The following MAP3K4 variants were observed in gnomAD, a reference collection of about 807,000 sequenced individuals.
MAP3K4 encodes mitogen-activated protein kinase kinase kinase 4, also known as MAP three kinase 1.
Under a neutral mutation model 185.6 loss-of-function variants are expected in MAP3K4, and 67 were observed. That is an observed-to-expected ratio of 0.36 (90% confidence interval 0.30 to 0.44). The LOEUF (loss-of-function observed/expected upper bound fraction) is 0.44, where lower values mean the gene tolerates loss of function less well. MAP3K4 is among the 20% of genes least tolerant of loss of function. MAP3K4 has a pLI of 1.00. For missense variants in MAP3K4, 1,551 were observed against 1,995.1 expected, an observed-to-expected ratio of 0.78 and a Z score of 4.24; for synonymous variants, 702 against 710.4, an observed-to-expected ratio of 0.99 and a Z score of 0.19.
rs1583123386 is a variant in MAP3K4, at chr6:161,022,513, GTCTC to G, written c.153-11739_153-11736del. Among the ~76,000 whole-genome samples the G allele has an allele frequency of 6.6e-6, 1 of 152,114 alleles. No individual in the cohort carries two copies. The highest frequency in any genetic ancestry group is 1.5e-5 in the Non-Finnish European group (1 of 68,018). On this transcript the variant is annotated intron_variant, in intron 1 of 26. Transcript: ENST00000392142. This position sits in a 1 kb window ranked among gnomAD's most constrained non-coding sequence, Gnocchi z 4.2. ...AACTGCCAGTCCATACTTTCTCCTG[GTCTC>G]TCTCTCATGCTATGCTCTCTCTCCA...
rs1229737053 is a variant in MAP3K4 at position 161,110,003 on chromosome 6, A to G, written c.4396+89A>G. 7.4e-7 allele frequency: 1 copy of G among 1,360,468 alleles called. No individual in the cohort carries two copies. Among genetic ancestry groups the G allele is most frequent in the East Asian group, 2.3e-5 (1 of 43,414 alleles). 84.3% of individuals were successfully genotyped at this position (1,360,468 alleles called of 1,614,324 possible). The stretch of plus-strand genomic sequence containing the variant: ...CTCTGAAGACGCTCATCCCATTCCC[A>G]CATATGATTTCTCTAGATGGAAATA... On this transcript the variant is annotated intron_variant, in intron 23 of 26. Transcript: ENST00000392142. The surrounding 1 kb of genome is among the most constrained non-coding windows in gnomAD (Gnocchi z 4.8).
chr6:161,040,181 T>G (rs1218873310), intron 2 of MAP3K4, among the ~76,000 whole-genome samples: 1 of 152,236 alleles, frequency 6.6e-6, no homozygotes, highest in Non-Finnish European at 1.5e-5. Flanking sequence ...TGTTTAAATT[T>G]GCCTATTTCT....
rs1484507013 is a variant in MAP3K4 at position 160,991,800 on chromosome 6, C to T, written c.-132C>T. ...CCGGTCGCCGTTTCCAAGATGGCCG[C>T]GGCGCGCACGGCTCCTGCGGCGGGG... On this transcript the variant is annotated 5_prime_UTR_variant, in exon 1 of 27. Transcript: ENST00000392142. The surrounding 1 kb of genome is among the most constrained non-coding windows in gnomAD (Gnocchi z 5.7). 9.5e-7 allele frequency: 1 copy of T among 1,053,386 alleles called. No homozygotes were observed. The highest frequency in any genetic ancestry group is 1.3e-6 in the Non-Finnish European group (1 of 794,544). The allele number at this position is 1,053,386 out of a possible 1,614,324, so 65.3% of individuals were successfully genotyped here.
Position 160,999,851 on chromosome 6 carries a change from T to C in MAP3K4, c.152+7768T>C, listed in dbSNP as rs567581954. ...AACAGGATCAAACGAGATGAAAGAT[T>C]TGTTTTTAGAAAAAAATGCAAATAG... On this transcript the variant is annotated intron_variant, in intron 1 of 26. Coordinates refer to ENST00000392142, the MANE Select transcript of MAP3K4 (RefSeq NM_005922.4). 9.8e-5 allele frequency among the ~76,000 whole-genome samples: 15 copies of C among 152,362 alleles called. 1 individual carries two copies. The highest frequency in any genetic ancestry group is 9.8e-4 in the Admixed American group (15 of 15,310).
chr6:161,039,261 C>T (rs79915678), intron 2 of MAP3K4, among the ~76,000 whole-genome samples: 5,186 of 146,038 alleles, frequency 0.036, 141 homozygotes, highest in Non-Finnish European at 0.05. Flanking sequence ...TTCCCCTAGC[C>T]CCGAACCCGC....
chr6:161,047,615 ATGAGATCAC>A (rs1265358256), intron 2 of MAP3K4, among the ~76,000 whole-genome samples: 1 of 152,164 alleles, frequency 6.6e-6, no homozygotes, highest in African/African-American at 2.4e-5. Context: ...GTGGAAATGA[ATGAGATCAC>A]CCAGGGAGAA....
In MAP3K4 at chr6:161,093,048, G is replaced by T; in HGVS notation, c.3340G>T (p.Asp1114Tyr). 6.2e-7 allele frequency: 1 copy of T among 1,610,768 alleles called. No individual in the cohort carries two copies. The highest frequency in any genetic ancestry group is 1.1e-5 in the South Asian group (1 of 90,896). ...PAFISALPED[D>Y]FLSLQALMNE... ...CTTTATTTCAGCTTTACCAGAAGATGACTTCTTGGTATGGATTATTCTAAA... is the reference window on the plus strand; with the variant it reads ...CTTTATTTCAGCTTTACCAGAAGATTACTTCTTGGTATGGATTATTCTAAA... Residue 1114 changes from aspartate (D) to tyrosine (Y), a missense_variant, in exon 14 of 27, where the codon GAC becomes TAC. Asp to Tyr is a radical substitution (Grantham distance 160). Coordinates refer to ENST00000392142, the MANE Select transcript of MAP3K4 (RefSeq NM_005922.4). The surrounding 1 kb of genome is among the most constrained non-coding windows in gnomAD (Gnocchi z 5.2).
intron 6 of MAP3K4, among the ~76,000 whole-genome samples, chr6:161,083,010 C>T (rs1011448424): frequency 6.6e-6 from 1 of 152,188 alleles, no homozygotes; most frequent in African/African-American, 2.4e-5. Context: ...CGTCTTTGTC[C>T]TCCTTCTAGA....
chr6:161,004,585 A>G (rs886924121), intron 1 of MAP3K4, among the ~76,000 whole-genome samples: 25 of 152,360 alleles, frequency 1.6e-4, no homozygotes, highest in African/African-American at 6.0e-4. Flanking sequence ...TGCAAATGAT[A>G]TTTATGATTT....
At chr6:161,102,103 T>G (rs1285942419) in intron 18 of MAP3K4, 111 bp downstream of exon 18, 1 of 822,442 alleles carries the variant, frequency 1.2e-6, no homozygotes, top group African/African-American at 1.7e-5. Context: ...ATTCCTTTTT[T>G]TGGTCCTTTC....
In MAP3K4 at chr6:161,096,979, G is replaced by T; in HGVS notation, c.3428-101G>T. 3 of 867,694 alleles carry T rather than the reference G, an allele frequency of 3.5e-6. No individual in the cohort carries two copies. The highest frequency in any genetic ancestry group is 3.8e-6 in the Non-Finnish European group (2 of 526,466). The allele number at this position is 867,694 out of a possible 1,614,324, so 53.7% of individuals were successfully genotyped here. A position where few individuals can be genotyped will look rare whatever the true frequency, so the allele number is the denominator to read the frequency against. ...ATAAATGGACTTACCTTGGTCATTG[G>T]CCAGAATAAGTGACATTCTATTTTC... On this transcript the variant is annotated intron_variant, in intron 15 of 26. Transcript: ENST00000392142. The surrounding 1 kb of genome is among the most constrained non-coding windows in gnomAD (Gnocchi z 4.9).
rs1278468012 is a variant in MAP3K4, at chr6:161,106,242, A to AT, written c.3857-270dup. On this transcript the variant is annotated intron_variant, in intron 19 of 26. Transcript: ENST00000392142. This position sits in a 1 kb window ranked among gnomAD's most constrained non-coding sequence, Gnocchi z 4.9. ...GAGAGGAGAAACTAGAGACATGTATATTACTGCAAGATTTTAGCCAACGTT... is the reference window on the plus strand; with the variant it reads ...GAGAGGAGAAACTAGAGACATGTATATTTACTGCAAGATTTTAGCCAACGTT... 1.3e-5 allele frequency among the ~76,000 whole-genome samples: 2 copies of AT among 152,128 alleles called. No homozygotes were observed. The highest frequency in any genetic ancestry group is 4.8e-5 in the African/African-American group (2 of 41,422).
At position 161,074,569 on chromosome 6, in the gene MAP3K4, A is replaced by G. The variant is rs1166024259; in HGVS notation, c.2097+957A>G. On this transcript the variant is annotated intron_variant, in intron 5 of 26. Coordinates refer to ENST00000392142, the MANE Select transcript of MAP3K4 (RefSeq NM_005922.4). This position sits in a 1 kb window ranked among gnomAD's most constrained non-coding sequence, Gnocchi z 5.0. ...AGAGACTCTTTTCTCAGGTTGCCCT[A>G]ATTAGACTGAAAGCTTCATGAGCCA... is the stretch of plus-strand genomic sequence containing the variant. Among the ~76,000 whole-genome samples the G allele has an allele frequency of 6.6e-6, 1 of 152,246 alleles. No individual in the cohort carries two copies. The highest frequency in any genetic ancestry group is 2.4e-5 in the African/African-American group (1 of 41,470).
Position 161,054,493 on chromosome 6 carries a change from A to T in MAP3K4, c.1707+4514A>T, listed in dbSNP as rs1583172863. Among the ~76,000 whole-genome samples, 1 of 152,310 alleles carries T rather than the reference A, an allele frequency of 6.6e-6. No individual in the cohort carries two copies. The highest frequency in any genetic ancestry group is 1.9e-4 in the East Asian group (1 of 5,190). On this transcript the variant is annotated intron_variant, in intron 3 of 26. Transcript: ENST00000392142. This position sits in a 1 kb window ranked among gnomAD's most constrained non-coding sequence, Gnocchi z 4.2. ...CTCTAAAACTTTATTAATATTTCAAAATATTTTAAAAGAACTGAACTAGCA... is the reference window on the plus strand; with the variant it reads ...CTCTAAAACTTTATTAATATTTCAATATATTTTAAAAGAACTGAACTAGCA...
In MAP3K4 at chr6:161,043,350, C is replaced by T. The variant is rs1050619474; in HGVS notation, c.344-5266C>T. Among the ~76,000 whole-genome samples the T allele has an allele frequency of 1.3e-5, 2 of 152,162 alleles. No homozygotes were observed. Among genetic ancestry groups the T allele is most frequent in the Admixed American group, 1.3e-4 (2 of 15,286 alleles). On this transcript the variant is annotated intron_variant, in intron 2 of 26. Coordinates refer to ENST00000392142, the MANE Select transcript of MAP3K4 (RefSeq NM_005922.4). This position sits in a 1 kb window ranked among gnomAD's most constrained non-coding sequence, Gnocchi z 4.3. The stretch of plus-strand genomic sequence containing the variant: ...TTCCCTTATTTAAGCTTCCATTCTT[C>T]GAGGCCCCAAATCAAGTACTTGCTT...
chr6:161,002,540 A>G (rs576403072), intron 1 of MAP3K4, among the ~76,000 whole-genome samples: 55 of 152,064 alleles, frequency 3.6e-4, no homozygotes, highest in Admixed American at 6.5e-4. Context: ...TGAATCATAT[A>G]AAGAAGAAAA....
chr6:161,003,038 TATAAC>T (rs968729098), intron 1 of MAP3K4, among the ~76,000 whole-genome samples: 3 of 67,196 alleles, frequency 4.5e-5, no homozygotes, highest in African/African-American at 6.1e-5. Context: ...GATAACATGA[TATAAC>T]ATATGGTTTG....
chr6:161,078,341 A>C (rs1194734915), intron 5 of MAP3K4, among the ~76,000 whole-genome samples: 1 of 152,178 alleles, frequency 6.6e-6, no homozygotes. Flanking sequence ...TGAGATGAAA[A>C]GACAGTAAGG....
chr6:161,104,455 T>G (rs1777972083), intron 19 of MAP3K4, among the ~76,000 whole-genome samples: 1 of 150,166 alleles, frequency 6.7e-6, no homozygotes. Flanking sequence ...GGCTCACACC[T>G]GTAATCCCAG....
Sources: gnomAD v4.1 joint callset for allele counts (sites outside exome capture counted in the v4.1 genomes callset) on GRCh38, gnomAD v4.1.1 for gene constraint, Gnocchi (gnomAD v3.1) non-coding constraint, MANE v1.5 for transcripts, NCBI Gene and HGNC (gene_info 2026-07-23, HGNC 2026-07-21) for gene names.